Variants in RRP1 observed in about 807,000 individuals in gnomAD.
The protein encoded by RRP1 is ribosomal RNA processing 1.
In RRP1, 37 loss-of-function variants were observed where a neutral mutation model predicts 54.6. The observed-to-expected ratio is 0.68, with a 90% CI of 0.52 to 0.89. The LOEUF is 0.89. Among genes scored for constraint, RRP1 ranks in the 40% least tolerant of loss-of-function variants. The pLI, the probability that RRP1 is intolerant of heterozygous loss-of-function variation, is 0.00. For synonymous variants in RRP1, 262 were observed against 244.3 expected (o/e 1.07, Z -0.67); for missense variants, 639 against 612.5 (o/e 1.04, Z -0.46).
chr21:43,798,159 G>A (rs1169396668), intron 8 of RRP1, 59 bp downstream of exon 8: 21 of 1,459,590 alleles, frequency 1.4e-5, no homozygotes, highest in South Asian at 4.0e-5. Context: ...GAGCCAGTGC[G>A]ATCTCCTGCT....
At chr21:43,802,621 G>A (rs1445912521) in intron 12 of RRP1, 16 of 521,562 alleles carry the variant, frequency 3.1e-5, no homozygotes, top group Non-Finnish European at 4.2e-5. Context: ...AGCTGTGTGC[G>A]CTGCCCTCCC....
intron 8 of RRP1, 25 bp downstream of exon 8, chr21:43,798,125 TCTC>T (rs1569015913): frequency 1.9e-6 from 3 of 1,575,252 alleles, no homozygotes; most frequent in South Asian, 2.3e-5. Context: ...GCGCCTGGCT[TCTC>T]CTCGGGGCCT....
At chr21:43,796,359 A>T (rs1271102658) in intron 5 of RRP1, among the ~76,000 whole-genome samples, 1 of 152,188 alleles carries the variant, frequency 6.6e-6, no homozygotes, top group Non-Finnish European at 1.5e-5. Flanking sequence ...AGCTGAATTA[A>T]ATGTTAAAGG....
Position 43,795,140 on chromosome 21 carries a change from C to T in RRP1, c.361-49C>T, listed in dbSNP as rs530365828. 51 of 1,564,042 alleles carry T rather than the reference C, an allele frequency of 3.3e-5. 1 individual carries two copies. In the East Asian group the frequency reaches 4.3e-4, roughly 13 times the overall value. On this transcript the variant is annotated intron_variant, in intron 4 of 12. Coordinates refer to ENST00000497547, the MANE Select transcript of RRP1 (RefSeq NM_003683.6). ...TGGTACATGGGGATGGGTGGTCTGGCGAAGTAGGGCTGGGCTTCTGCTAAT... is the reference window on the plus strand; with the variant it reads ...TGGTACATGGGGATGGGTGGTCTGGTGAAGTAGGGCTGGGCTTCTGCTAAT...
At chr21:43,798,371 C>G (rs924716550) in intron 8 of RRP1, among the ~76,000 whole-genome samples, 4 of 152,180 alleles carry the variant, frequency 2.6e-5, no homozygotes, top group Non-Finnish European at 5.9e-5. Context: ...CAGTTGGCCC[C>G]CTAGACTCGT....
At chr21:43,802,536 G>T (rs1307090406) in intron 12 of RRP1, 149 bp downstream of exon 12, 40 of 657,392 alleles carry the variant, frequency 6.1e-5, no homozygotes, top group Non-Finnish European at 1.0e-4. Flanking sequence ...TCCCGGAAAT[G>T]CCCTGTCCTC....
intron 1 of RRP1, 123 bp downstream of exon 1, chr21:43,789,885 C>A: frequency 8.2e-7 from 1 of 1,224,054 alleles, no homozygotes; most frequent in Non-Finnish European, 1.1e-6. Flanking sequence ...CCGGGCCGGG[C>A]AGGCGGGGTC....
rs1050392262 is a variant in RRP1 at position 43,799,592 on chromosome 21, T to G, written c.834T>G (p.Pro278=). 6.2e-7 allele frequency: 1 copy of G among 1,612,162 alleles called. No homozygotes were observed. The highest frequency in any genetic ancestry group is 8.5e-7 in the Non-Finnish European group (1 of 1,179,842). The change falls in exon 9 of 13, where the codon CCT becomes CCG. Residue 278 remains proline, a synonymous_variant. Coordinates refer to ENST00000497547, the MANE Select transcript of RRP1 (RefSeq NM_003683.6). ...PPAGSICRAE[P]EAGEEQAGDD... is the part of the protein sequence containing the mutation. ...CAGGCTCCATCTGCAGGGCTGAACCTGAGGCTGGTGAGGAGCAGGCAGGTG... is the reference window on the plus strand; with the variant it reads ...CAGGCTCCATCTGCAGGGCTGAACCGGAGGCTGGTGAGGAGCAGGCAGGTG...
chr21:43,794,889 A>G (rs767778640), intron 4 of RRP1, among the ~76,000 whole-genome samples: 16 of 152,046 alleles, frequency 1.1e-4, no homozygotes, highest in Non-Finnish European at 2.2e-4. Flanking sequence ...GCCCCGGTTT[A>G]TGGACTGGAG....
Position 43,789,616 on chromosome 21 carries a change from C to G in RRP1, c.-14C>G. On this transcript the variant is annotated 5_prime_UTR_variant, in exon 1 of 13. Coordinates refer to ENST00000497547, the MANE Select transcript of RRP1 (RefSeq NM_003683.6). ...CAGGCGACTCCGGGACAGGGGGTCT[C>G]GGCCGTCGGCGTCATGGTTTCGCGC... 1 of 1,585,664 alleles carries G rather than the reference C, an allele frequency of 6.3e-7. No individual in the cohort carries two copies. The highest frequency in any genetic ancestry group is 8.6e-7 in the Non-Finnish European group (1 of 1,167,792).
chr21:43,792,694 C>G lies in RRP1; in HGVS notation c.239C>G (p.Ser80Cys). 3 of 1,614,028 alleles carry G rather than the reference C, an allele frequency of 1.9e-6. No individual in the cohort carries two copies. The highest frequency in any genetic ancestry group is 2.5e-6 in the Non-Finnish European group (3 of 1,179,946). The change falls in exon 3 of 13, where the codon TCC becomes TGC. Residue 80 changes from serine (S) to cysteine (C), a missense_variant. Coordinates refer to ENST00000497547, the MANE Select transcript of RRP1 (RefSeq NM_003683.6). ...LLQEELGRTI[S>C]QLVHAFQTTE... ...CAGGAAGAATTAGGAAGGACTATTT[C>G]CCAGCTCGTTCATGCTTTTCAGACC...
chr21:43,795,704 A>G (rs924661684), intron 5 of RRP1, among the ~76,000 whole-genome samples: 3 of 152,190 alleles, frequency 2.0e-5, no homozygotes, highest in African/African-American at 7.2e-5. Flanking sequence ...GTGCACCACC[A>G]GGCCCACGTA....
Position 43,797,913 on chromosome 21 carries a change from G to A in RRP1, c.624G>A (p.Leu208=), listed in dbSNP as rs2123415726. Reference sequence around the variant, plus strand: ...CCTCTGCTCTGCCCCTCAGTTCCTTGGTTTTGAACAACATCACTCGAGGCA... The same window carrying A: ...CCTCTGCTCTGCCCCTCAGTTCCTTAGTTTTGAACAACATCACTCGAGGCA... The part of the protein sequence containing the change: ...CRIAARTKDS[L]VLNNITRGIF... The change falls in exon 8 of 13, where the codon TTG becomes TTA. Residue 208 remains leucine (L), a synonymous_variant. Transcript: ENST00000497547. 1 of 1,613,640 alleles carries A rather than the reference G, an allele frequency of 6.2e-7. No individual in the cohort carries two copies. The highest frequency in any genetic ancestry group is 1.3e-5 in the African/African-American group (1 of 75,030).
chr21:43,796,428 T>C (rs1030531371), intron 5 of RRP1, among the ~76,000 whole-genome samples: 1 of 152,224 alleles, frequency 6.6e-6, no homozygotes, highest in Non-Finnish European at 1.5e-5. Context: ...CTTTTCTCCC[T>C]GTAACTGAGA....
At chr21:43,799,779 G>A in intron 9 of RRP1, 130 bp downstream of exon 9, 1 of 803,316 alleles carries the variant, frequency 1.2e-6, no homozygotes, top group Non-Finnish European at 2.0e-6. Flanking sequence ...CCGGACAGGG[G>A]TTAGCTTTGA....
intron 12 of RRP1, among the ~76,000 whole-genome samples, 172 bp from the exon 13 acceptor site, chr21:43,803,340 C>G (rs1259384441): frequency 6.6e-6 from 1 of 152,206 alleles, no homozygotes; most frequent in Middle Eastern, 3.2e-3. Context: ...AGGTCCTGAG[C>G]CGTGTGGATG....
chr21:43,792,899 G>GT (rs2084975196), intron 3 of RRP1, 170 bp downstream of exon 3: 1 of 663,334 alleles, frequency 1.5e-6, no homozygotes, highest in Non-Finnish European at 2.6e-6. Flanking sequence ...CAGTGCTGGT[G>GT]TAAGTATTCA....
rs759163572 is a variant in RRP1, at chr21:43,795,292, G to A, written c.422+42G>A. ...CCTGCTCTGGGGGGACGCTGTTCTCGGGGACCGCAGTCGTGTTTGTCATTT... is the reference window on the plus strand; with the variant it reads ...CCTGCTCTGGGGGGACGCTGTTCTCAGGGACCGCAGTCGTGTTTGTCATTT... On this transcript the variant is annotated intron_variant, in intron 5 of 12. Transcript: ENST00000497547. The A allele has an allele frequency of 5.7e-6, 9 of 1,583,454 alleles. No homozygotes were observed. The Admixed American group carries it at 1.3e-4, about 23-fold the overall frequency.
At chr21:43,794,753 C>A (rs1383971841) in intron 4 of RRP1, among the ~76,000 whole-genome samples, 2 of 152,164 alleles carry the variant, frequency 1.3e-5, no homozygotes, top group African/African-American at 4.8e-5. Flanking sequence ...ACATTCTGCC[C>A]GTTGCGGGGG....
Sources: allele counts gnomAD v4.1 joint callset (sites outside exome capture counted in the v4.1 genomes callset), GRCh38; gene constraint gnomAD v4.1.1; transcripts MANE v1.5; gene names NCBI Gene and HGNC (gene_info 2026-07-23, HGNC 2026-07-21).